The following LRP1B variants were observed in gnomAD, a reference collection of about 807,000 sequenced individuals.
The protein encoded by LRP1B is LDL receptor related protein 1B.
In LRP1B, 217 loss-of-function variants were observed where a neutral mutation model predicts 556.6. The observed-to-expected ratio is 0.39, with a 90% CI of 0.35 to 0.44. The LOEUF (loss-of-function observed/expected upper bound fraction) is 0.44, where lower values mean the gene tolerates loss of function less well. LRP1B is among the 20% of genes least tolerant of loss of function. LRP1B has a pLI of 1.00. For synonymous variants in LRP1B, 2,047 were observed against 1,865.8 expected (o/e 1.10, Z -2.50); for missense variants, 5,053 against 5,620.8 (o/e 0.90, Z 3.23).
At chr2:141,057,445 G>C (rs185406240) in intron 9 of LRP1B, among the ~76,000 whole-genome samples, 1 of 151,842 alleles carries the variant, frequency 6.6e-6, no homozygotes, top group East Asian at 2.0e-4. Context: ...TTGTTGCCCA[G>C]ATATCTCTGA....
At chr2:141,941,719 A>G (rs1700808686) in intron 1 of LRP1B, among the ~76,000 whole-genome samples, 1 of 152,178 alleles carries the variant, frequency 6.6e-6, no homozygotes, top group Non-Finnish European at 1.5e-5. Flanking sequence ...CCTGTAGAGC[A>G]TTTTAGATGA....
chr2:141,920,542 T>C (rs1170985880), intron 1 of LRP1B, among the ~76,000 whole-genome samples: 1 of 152,048 alleles, frequency 6.6e-6, no homozygotes, highest in African/African-American at 2.4e-5. Context: ...GTTCAGGTTA[T>C]TATCACTGGT....
rs2104863693 is a variant in LRP1B, at chr2:140,492,702, C to A, written c.9035-9G>T. ...TAAAAAAGGTTCTTCATCTAAACAC[C>A]AACACAAATAACATATTAGACTTTA... On this transcript the variant is annotated splice_polypyrimidine_tract_variant and intron_variant, in intron 56 of 90. Transcript: ENST00000389484. 1 of 1,576,712 alleles carries A rather than the reference C, an allele frequency of 6.3e-7. No individual in the cohort carries two copies. Among genetic ancestry groups the A allele is most frequent in the Non-Finnish European group, 8.7e-7 (1 of 1,146,350 alleles).
At chr2:141,101,368 A>G (rs1417998454) in intron 7 of LRP1B, among the ~76,000 whole-genome samples, 2 of 152,146 alleles carry the variant, frequency 1.3e-5, no homozygotes, top group Non-Finnish European at 2.9e-5. Flanking sequence ...TCACCACTCT[A>G]AAGCCACATG....
chr2:140,779,755 A>AGTGTGTGTGTGT (rs70988440), intron 32 of LRP1B, among the ~76,000 whole-genome samples: 1 of 135,306 alleles, frequency 7.4e-6, no homozygotes, highest in African/African-American at 2.8e-5. Flanking sequence ...TCTGTGAGAG[A>AGTGTGTGTGTGT]GTGTGTGTGT....
intron 10 of LRP1B, among the ~76,000 whole-genome samples, chr2:141,051,995 G>T (rs1336078654): frequency 1.3e-5 from 2 of 151,726 alleles, no homozygotes; most frequent in African/African-American, 4.8e-5. Context: ...CAAGATTATT[G>T]TCTATGTTGA....
chr2:141,516,459 CTAT>C lies in LRP1B; in HGVS notation c.206-35929_206-35927del, dbSNP rs1684315503. On this transcript the variant is annotated intron_variant, in intron 2 of 90. Coordinates refer to ENST00000389484, the MANE Select transcript of LRP1B (RefSeq NM_018557.3). ...TAGATTTAAATGTTACAGATCTAAA[CTAT>C]TATTTTCCTGGGCTACCTTTTGTTG... 2.6e-5 allele frequency among the ~76,000 whole-genome samples: 4 copies of C among 152,248 alleles called. No individual in the cohort carries two copies. In the South Asian group the frequency reaches 8.3e-4, roughly 32 times the overall value.
chr2:141,418,371 T>C (rs1679997690), intron 3 of LRP1B, among the ~76,000 whole-genome samples: 1 of 152,148 alleles, frequency 6.6e-6, no homozygotes, highest in Non-Finnish European at 1.5e-5. Flanking sequence ...TTTCAGAGCT[T>C]ACATTTAAGT....
chr2:140,899,342 T>A (rs1694037701), intron 23 of LRP1B, among the ~76,000 whole-genome samples: 1 of 152,296 alleles, frequency 6.6e-6, no homozygotes, highest in South Asian at 2.1e-4. Context: ...ATTTGAGTCA[T>A]GGGTATGACA....
At chr2:141,672,543 G>C (rs1008807453) in intron 2 of LRP1B, among the ~76,000 whole-genome samples, 9 of 152,166 alleles carry the variant, frequency 5.9e-5, no homozygotes, top group African/African-American at 1.9e-4. Flanking sequence ...TGGGTGTCAT[G>C]AAAAGTTTGC....
chr2:140,427,820 G>T (rs1336595025), intron 66 of LRP1B, among the ~76,000 whole-genome samples: 1 of 151,734 alleles, frequency 6.6e-6, no homozygotes, highest in Non-Finnish European at 1.5e-5. Flanking sequence ...GGCCGAGCTA[G>T]GTCCCAGTTC....
chr2:141,243,869 C>T (rs929745774), intron 5 of LRP1B, among the ~76,000 whole-genome samples: 1 of 152,086 alleles, frequency 6.6e-6, no homozygotes, highest in African/African-American at 2.4e-5. Context: ...TTAATCTCTT[C>T]CCCCATCTGC....
chr2:141,166,367 C>CTTTTTTT (rs35200370), intron 7 of LRP1B, among the ~76,000 whole-genome samples: 2 of 132,738 alleles, frequency 1.5e-5, no homozygotes, highest in Admixed American at 7.7e-5. Context: ...CTCTCTCATT[C>CTTTTTTT]TTTTTTTTTT....
At chr2:140,248,977 T>A (rs1486559666) in intron 86 of LRP1B, among the ~76,000 whole-genome samples, 1 of 151,402 alleles carries the variant, frequency 6.6e-6, no homozygotes, top group African/African-American at 2.4e-5. Flanking sequence ...CAAGTCTACA[T>A]GTGTGCAATT....
chr2:141,102,733 G>A (rs75620227), intron 7 of LRP1B, among the ~76,000 whole-genome samples: 12,010 of 151,960 alleles, frequency 0.079, 580 homozygotes, highest in South Asian at 0.14. Context: ...ATGTTGATAG[G>A]CCATAAGTGA....
chr2:142,056,282 T>C (rs1704667720), intron 1 of LRP1B, among the ~76,000 whole-genome samples: 1 of 144,260 alleles, frequency 6.9e-6, no homozygotes, highest in African/African-American at 2.5e-5. Context: ...CTCTTTCCTC[T>C]GGTATATGTA....
At chr2:141,978,732 TA>T (rs1043381415) in intron 1 of LRP1B, among the ~76,000 whole-genome samples, 2 of 152,008 alleles carry the variant, frequency 1.3e-5, no homozygotes, top group African/African-American at 4.8e-5. Context: ...TGTCACCGAT[TA>T]AAAAAACATC....
At chr2:141,770,998 C>A (rs1429546516) in intron 2 of LRP1B, among the ~76,000 whole-genome samples, 1 of 152,158 alleles carries the variant, frequency 6.6e-6, no homozygotes, top group African/African-American at 2.4e-5. Context: ...ATGGATTGAA[C>A]CACTGGACTG....
At chr2:140,843,067 G>GTTTTTTTTTTTTT (rs1232129942) in intron 29 of LRP1B, among the ~76,000 whole-genome samples, 2 of 10,642 alleles carry the variant, frequency 1.9e-4, no homozygotes, top group Non-Finnish European at 2.4e-4. Flanking sequence ...TTTTTTTTTT[G>GTTTTTTTTTTTTT]TTTTTTTTTT....
Sources: gnomAD v4.1 joint callset for allele counts (sites outside exome capture counted in the v4.1 genomes callset) on GRCh38, gnomAD v4.1.1 for gene constraint, MANE v1.5 for transcripts, NCBI Gene and HGNC (gene_info 2026-07-23, HGNC 2026-07-21) for gene names.